Variants in PLA2G4A observed in about 807,000 individuals in gnomAD.
PLA2G4A encodes the protein cytosolic phospholipase A2.
A neutral mutation model predicts 81.9 loss-of-function variants in PLA2G4A; 40 were observed. The ratio of observed to expected loss-of-function variants is 0.49; its 90% CI spans 0.38 to 0.64. The LOEUF (loss-of-function observed/expected upper bound fraction) is 0.64. Among genes scored for constraint, PLA2G4A ranks in the 30% least tolerant of loss-of-function variants. The pLI is 0.00. For synonymous variants in PLA2G4A, 302 were observed against 296.9 expected (o/e 1.02, Z -0.18); for missense variants, 715 against 905.1 (o/e 0.79, Z 2.69).
At chr1:186,950,011 G>A (rs1656500283) in intron 12 of PLA2G4A, among the ~76,000 whole-genome samples, 1 of 152,072 alleles carries the variant, frequency 6.6e-6, no homozygotes, top group African/African-American at 2.4e-5. Flanking sequence ...GGCCAGCCTG[G>A]GTAACCATTT....
intron 3 of PLA2G4A, among the ~76,000 whole-genome samples, chr1:186,877,934 C>G (rs547652037): frequency 6.6e-5 from 10 of 150,452 alleles, no homozygotes; most frequent in Non-Finnish European, 1.5e-4. Context: ...CCACTACTAA[C>G]TAGAATTTTT....
intron 2 of PLA2G4A, among the ~76,000 whole-genome samples, chr1:186,859,162 C>A (rs188397328): frequency 2.0e-5 from 3 of 152,072 alleles, no homozygotes. Context: ...TTTCACCATT[C>A]CTGTGATGCA....
chr1:186,899,778 T>C (rs1654473753), intron 5 of PLA2G4A, among the ~76,000 whole-genome samples: 1 of 152,128 alleles, frequency 6.6e-6, no homozygotes, highest in Admixed American at 6.5e-5. Flanking sequence ...AGAATGTTGA[T>C]ACTGAAAATG....
intron 1 of PLA2G4A, among the ~76,000 whole-genome samples, chr1:186,841,047 CTCTTT>C (rs1253244022): frequency 6.6e-6 from 1 of 152,198 alleles, no homozygotes; most frequent in East Asian, 1.9e-4. Context: ...CATTGTCAGT[CTCTTT>C]TAAGTAGAAG....
At chr1:186,934,880 C>A (rs1421325646) in intron 8 of PLA2G4A, among the ~76,000 whole-genome samples, 1 of 151,980 alleles carries the variant, frequency 6.6e-6, no homozygotes, top group Non-Finnish European at 1.5e-5. Context: ...TCCACAATTT[C>A]TCTCCTTAAT....
At chr1:186,892,477 C>G (rs1203139764) in intron 3 of PLA2G4A, among the ~76,000 whole-genome samples, 1 of 152,088 alleles carries the variant, frequency 6.6e-6, no homozygotes, top group Non-Finnish European at 1.5e-5. Flanking sequence ...TTGTATATGG[C>G]AAGAGATAGG....
At chr1:186,955,734 C>CTGTT (rs1553220201) in intron 13 of PLA2G4A, among the ~76,000 whole-genome samples, 2 of 108,820 alleles carry the variant, frequency 1.8e-5, no homozygotes, top group African/African-American at 7.0e-5. Context: ...AAGAAGATCC[C>CTGTT]TTTTTTTTTT....
At chr1:186,951,508 G>A (rs1384044160) in intron 13 of PLA2G4A, among the ~76,000 whole-genome samples, 2 of 151,266 alleles carry the variant, frequency 1.3e-5, no homozygotes, top group African/African-American at 4.9e-5. Flanking sequence ...ACAAAACAAA[G>A]GGAAGGCTTT....
chr1:186,837,583 A>G (rs898622246), intron 1 of PLA2G4A, among the ~76,000 whole-genome samples: 36 of 151,050 alleles, frequency 2.4e-4, no homozygotes, highest in Non-Finnish European at 4.0e-4. Context: ...AAAAAATACA[A>G]AAAATTAGCC....
chr1:186,861,397 T>A (rs1652792084), intron 2 of PLA2G4A, among the ~76,000 whole-genome samples: 9 of 152,190 alleles, frequency 5.9e-5, no homozygotes, highest in Admixed American at 5.9e-4. Flanking sequence ...CTCACCTCTC[T>A]GGGTTTTTGT....
intron 7 of PLA2G4A, among the ~76,000 whole-genome samples, chr1:186,921,008 A>C (rs1227237864): frequency 6.6e-6 from 1 of 152,218 alleles, no homozygotes; most frequent in Non-Finnish European, 1.5e-5. Flanking sequence ...TACATAGGGT[A>C]AGCCTCACAC....
At chr1:186,972,922 G>A (rs959293253) in intron 15 of PLA2G4A, among the ~76,000 whole-genome samples, 4 of 152,072 alleles carry the variant, frequency 2.6e-5, no homozygotes, top group South Asian at 4.1e-4. Context: ...TTGTTGAAAC[G>A]AGGGCATGAC....
At chr1:186,916,201 C>T (rs956645580) in intron 7 of PLA2G4A, among the ~76,000 whole-genome samples, 4 of 152,174 alleles carry the variant, frequency 2.6e-5, no homozygotes, top group South Asian at 2.1e-4. Context: ...GATATTTACT[C>T]GAGGATCCAG....
At chr1:186,987,300 TGTGA>T (rs1240800174) in intron 17 of PLA2G4A, among the ~76,000 whole-genome samples, 2 of 152,216 alleles carry the variant, frequency 1.3e-5, no homozygotes, top group Non-Finnish European at 2.9e-5. Flanking sequence ...CCACAGCAGT[TGTGA>T]GTGAGAGGAG....
chr1:186,854,427 G>A, intron 2 of PLA2G4A, 40 bp downstream of exon 2: 1 of 1,296,694 alleles, frequency 7.7e-7, no homozygotes, highest in South Asian at 1.2e-5. Context: ...CTTGGAGGGG[G>A]TCTGATATGT....
At chr1:186,961,955 A>T (rs949509473) in intron 14 of PLA2G4A, among the ~76,000 whole-genome samples, 1 of 152,190 alleles carries the variant, frequency 6.6e-6, no homozygotes, top group African/African-American at 2.4e-5. Flanking sequence ...TTTAAATTGC[A>T]TGCCATTCTG....
intron 8 of PLA2G4A, among the ~76,000 whole-genome samples, chr1:186,934,461 T>TATATATATATATAC (rs1553216883): frequency 5.1e-5 from 7 of 137,688 alleles, no homozygotes; most frequent in Non-Finnish European, 1.1e-4. Flanking sequence ...TATATATATA[T>TATATATATATATAC]ATACATACAC....
intron 1 of PLA2G4A, among the ~76,000 whole-genome samples, chr1:186,829,292 T>C (rs1404807809): frequency 1.3e-5 from 2 of 152,200 alleles, no homozygotes; most frequent in Non-Finnish European, 2.9e-5. Flanking sequence ...AAGGTGTTTC[T>C]TTGGGTTGGA....
At chr1:186,962,123 T>TC (rs1319592059) in intron 14 of PLA2G4A, among the ~76,000 whole-genome samples, 4 of 151,236 alleles carry the variant, frequency 2.6e-5, no homozygotes, top group Non-Finnish European at 5.9e-5. Context: ...GTAACCTTTT[T>TC]TTTTCTACTT....
Sources: allele counts gnomAD v4.1 joint callset (sites outside exome capture counted in the v4.1 genomes callset), GRCh38; gene constraint gnomAD v4.1.1; transcripts MANE v1.5; gene names NCBI Gene and HGNC (gene_info 2026-07-23, HGNC 2026-07-21).